ADGRV1: variants seen among roughly 807,000 people sequenced by gnomAD.
The protein encoded by ADGRV1 is adhesion G protein-coupled receptor V1.
Under a neutral mutation model 596.2 loss-of-function variants are expected in ADGRV1, and 359 were observed. The observed-to-expected ratio is 0.60, with a 90% CI of 0.55 to 0.66. The LOEUF is 0.66. Among genes scored for constraint, ADGRV1 ranks in the 30% least tolerant of loss-of-function variants. The probability of loss-of-function intolerance (pLI) is 0.00; values close to 1 mark genes in which losing one functional copy is unlikely to be tolerated. For synonymous variants in ADGRV1, 2,681 were observed against 2,679.2 expected (o/e 1.00, Z -0.02); for missense variants, 7,274 against 7,575.6 (o/e 0.96, Z 1.48).
At chr5:90,787,269 A>C (rs1759552994) in intron 67 of ADGRV1, among the ~76,000 whole-genome samples, 1 of 152,218 alleles carries the variant, frequency 6.6e-6, no homozygotes, top group South Asian at 2.1e-4. Context: ...GAAATGTAGA[A>C]AACTTTGTTT....
At chr5:90,594,976 G>A (rs1168650899) in intron 1 of ADGRV1, among the ~76,000 whole-genome samples, 4 of 147,270 alleles carry the variant, frequency 2.7e-5, no homozygotes, top group Non-Finnish European at 4.5e-5. Flanking sequence ...TGTCATCCTG[G>A]CCCGTTCTCA....
chr5:90,750,771 C>T, intron 53 of ADGRV1, 74 bp downstream of exon 53: 1 of 1,145,092 alleles, frequency 8.7e-7, no homozygotes. Context: ...CAAATCCTGC[C>T]TTATGGATGA....
At chr5:91,160,705 C>T (rs963932248) in intron 89 of ADGRV1, among the ~76,000 whole-genome samples, 28 of 152,266 alleles carry the variant, frequency 1.8e-4, no homozygotes, top group African/African-American at 6.3e-4. Context: ...GCAAACTACC[C>T]GCCTATACCA....
chr5:90,811,727 CTT>C (rs78107294), intron 74 of ADGRV1, among the ~76,000 whole-genome samples: 17 of 139,280 alleles, frequency 1.2e-4, no homozygotes, highest in African/African-American at 2.9e-4. Context: ...GCAGGAAATT[CTT>C]TTTTTTTTTT....
At chr5:90,599,352 C>A (rs886455791) in intron 1 of ADGRV1, among the ~76,000 whole-genome samples, 3 of 152,100 alleles carry the variant, frequency 2.0e-5, no homozygotes, top group African/African-American at 7.2e-5. Flanking sequence ...CTTAGGCATT[C>A]CCTAAACTAG....
chr5:90,582,807 T>A (rs187131524), intron 1 of ADGRV1, among the ~76,000 whole-genome samples: 1 of 152,326 alleles, frequency 6.6e-6, no homozygotes, highest in East Asian at 1.9e-4. Context: ...TGTCTTCAAG[T>A]GATCCTCCTG....
chr5:90,904,470 T>C (rs972564355), intron 83 of ADGRV1, among the ~76,000 whole-genome samples: 2 of 152,190 alleles, frequency 1.3e-5, no homozygotes, highest in Admixed American at 1.3e-4. Flanking sequence ...TGGGGTGAGC[T>C]GATATCTCAC....
At chr5:90,988,200 A>T (rs1450481430) in intron 85 of ADGRV1, among the ~76,000 whole-genome samples, 1 of 152,098 alleles carries the variant, frequency 6.6e-6, no homozygotes, top group African/African-American at 2.4e-5. Flanking sequence ...TGTTTGGTTG[A>T]TTTTGCTTTA....
At chr5:90,842,519 G>T (rs1765523453) in intron 78 of ADGRV1, among the ~76,000 whole-genome samples, 1 of 152,146 alleles carries the variant, frequency 6.6e-6, no homozygotes, top group Non-Finnish European at 1.5e-5. Flanking sequence ...AGGAGTTCAA[G>T]ACCACCGTGG....
rs1767483708 is a variant in ADGRV1, at chr5:90,644,737, C to A, written c.2766C>A (p.Asn922Lys). 1 of 1,610,698 alleles carries A rather than the reference C, an allele frequency of 6.2e-7. No homozygotes were observed. ...AVYDVVRNRG[N>K]FGDVSVSWVV... Reference sequence around the variant, plus strand: ...ATGATGTAGTAAGAAATCGAGGCAACTTTGGTGATGTTAGTGTATCATGGG... The same window carrying A: ...ATGATGTAGTAAGAAATCGAGGCAAATTTGGTGATGTTAGTGTATCATGGG... Residue 922 changes from asparagine to lysine, a missense_variant, in exon 15 of 90, where the codon AAC (asparagine) becomes AAA (lysine). Physicochemically the swap from Asn to Lys is moderately conservative, Grantham distance 94 (BLOSUM62 0). This residue lies in a region of ADGRV1 where 1,715 missense variants were observed against 1,708.8 expected (regional missense o/e 1.00). Transcript: ENST00000405460.
rs1367106244 is a variant in ADGRV1 at position 90,681,429 on chromosome 5, A to T, written c.5639A>T (p.Asp1880Val). 1 of 1,613,836 alleles carries T rather than the reference A, an allele frequency of 6.2e-7. No individual in the cohort carries two copies. ...TTTGTCAGTGGAACTGAACCAGAAG[A>T]TGGGTATAGCACTGTTACATTAAAT... ...SLFVSGTEPEDGYSTVTLNVI... is the reference protein window; with the variant it reads ...SLFVSGTEPEVGYSTVTLNVI... Residue 1880 changes from aspartate to valine, a missense_variant, in exon 27 of 90, where the codon GAT (aspartate) becomes GTT (valine). Physicochemically the swap from Asp to Val is radical, Grantham distance 152. Around this residue, in one of 5 missense-constraint regions of ADGRV1, gnomAD observed 3,643 missense variants for 3,809.2 expected, o/e 0.96. Transcript: ENST00000405460.
intron 1 of ADGRV1, among the ~76,000 whole-genome samples, chr5:90,605,217 C>A (rs1336818453): frequency 6.6e-6 from 1 of 152,096 alleles, no homozygotes; most frequent in Admixed American, 6.6e-5. Context: ...GAGATTGAGA[C>A]CATCCTGGCC....
chr5:90,678,988 A>G (rs1483062488), intron 25 of ADGRV1, among the ~76,000 whole-genome samples: 4 of 152,194 alleles, frequency 2.6e-5, no homozygotes, highest in Non-Finnish European at 4.4e-5. Flanking sequence ...ATCTTTCACA[A>G]CCAGGAAAGC....
At chr5:91,155,726 C>T (rs1048940637) in intron 89 of ADGRV1, among the ~76,000 whole-genome samples, 21 of 152,066 alleles carry the variant, frequency 1.4e-4, no homozygotes, top group African/African-American at 4.8e-4. Flanking sequence ...TATTCGGATG[C>T]CATGGTAAGG....
At chr5:90,638,255 T>C (rs1170231925) in intron 11 of ADGRV1, among the ~76,000 whole-genome samples, 1 of 151,082 alleles carries the variant, frequency 6.6e-6, no homozygotes, top group East Asian at 1.9e-4. Flanking sequence ...AAAAAAAAAA[T>C]AGGCACCAGC....
At chr5:90,717,321 A>G (rs991708495) in intron 43 of ADGRV1, 3 of 151,978 alleles carry the variant, frequency 2.0e-5, no homozygotes, top group Non-Finnish European at 2.9e-5. Flanking sequence ...CAGCACACCA[A>G]CATGGCACAT....
intron 83 of ADGRV1, among the ~76,000 whole-genome samples, chr5:90,875,044 G>T (rs962874391): frequency 6.6e-6 from 1 of 152,104 alleles, no homozygotes; most frequent in South Asian, 2.1e-4. Context: ...AACTGGGTAT[G>T]GGGCACATGC....
intron 75 of ADGRV1, among the ~76,000 whole-genome samples, chr5:90,817,118 A>T (rs1762976778): frequency 6.6e-6 from 1 of 152,040 alleles, no homozygotes; most frequent in Non-Finnish European, 1.5e-5. Flanking sequence ...CTGGTGTGAG[A>T]TGGTATCTCA....
intron 84 of ADGRV1, among the ~76,000 whole-genome samples, chr5:90,978,340 C>G (rs1779800603): frequency 6.7e-6 from 1 of 150,278 alleles, no homozygotes; most frequent in African/African-American, 2.5e-5. Context: ...TTCATTCTTC[C>G]CCTCTTAAAC....
Sources: allele counts gnomAD v4.1 joint callset (sites outside exome capture counted in the v4.1 genomes callset), GRCh38; gene constraint gnomAD v4.1.1; regional missense constraint gnomAD v4.1.1; transcripts MANE v1.5; gene names NCBI Gene and HGNC (gene_info 2026-07-23, HGNC 2026-07-21).